The following SF3A3 variants were observed in gnomAD, a reference collection of about 807,000 sequenced individuals.
SF3A3 encodes SAP 61.
A neutral mutation model predicts 85.8 loss-of-function variants in SF3A3; 9 were observed. The ratio of observed to expected loss-of-function variants is 0.10; its 90% CI spans 0.06 to 0.18. The LOEUF (loss-of-function observed/expected upper bound fraction) is 0.18, where lower values mean the gene tolerates loss of function less well. Ranked by LOEUF, SF3A3 falls within the 10% of genes least tolerant of loss-of-function variation. The probability of loss-of-function intolerance (pLI) is 1.00; values close to 1 mark genes in which losing one functional copy is unlikely to be tolerated. For missense variants in SF3A3, 306 were observed against 593.3 expected (o/e 0.52, Z 5.03); for synonymous variants, 195 against 204.4 (o/e 0.95, Z 0.39).
chr1:37,960,775 C>G (rs373610120), intron 15 of SF3A3: 1 of 152,010 alleles, frequency 6.6e-6, no homozygotes, highest in East Asian at 2.0e-4. Flanking sequence ...CTCAGCCTCC[C>G]GAGTAGCTGG....
At chr1:37,959,775 T>G (rs575538883) in intron 16 of SF3A3, among the ~76,000 whole-genome samples, 101 of 151,842 alleles carry the variant, frequency 6.7e-4, no homozygotes, top group Non-Finnish European at 8.8e-4. Context: ...CTGGCCAACA[T>G]GGTGAAACCC....
At chr1:37,974,238 T>TA (rs951366149) in intron 12 of SF3A3, among the ~76,000 whole-genome samples, 24 of 147,082 alleles carry the variant, frequency 1.6e-4, no homozygotes, top group African/African-American at 3.2e-4. Flanking sequence ...AAAAAAAAAT[T>TA]AAAAAAAAAA....
At chr1:37,965,208 A>C (rs2148716026) in intron 15 of SF3A3, among the ~76,000 whole-genome samples, 1 of 151,430 alleles carries the variant, frequency 6.6e-6, no homozygotes, top group South Asian at 2.1e-4. Context: ...CCTCATGCCT[A>C]TAATCCCAGC....
chr1:37,984,610 C>G, intron 5 of SF3A3, 97 bp downstream of exon 5: 2 of 872,090 alleles, frequency 2.3e-6, no homozygotes, highest in Non-Finnish European at 3.8e-6. Flanking sequence ...AGCAAGAAAT[C>G]CTGGCTATAA....
intron 15 of SF3A3, among the ~76,000 whole-genome samples, chr1:37,966,664 C>T (rs1430765237): frequency 6.6e-6 from 1 of 152,086 alleles, no homozygotes; most frequent in East Asian, 1.9e-4. Flanking sequence ...TAGCTGGGCA[C>T]GGTGGATCAC....
rs1485884903 is a variant in SF3A3 at position 37,989,346 on chromosome 1, A to G, written c.144+202T>C. On this transcript the variant is annotated intron_variant, in intron 2 of 16. Transcript: ENST00000373019. ...AGGGCACCTTTCTGATTAATGAAGA[A>G]TGCCCAAGAGTTCCCCATTCAGAGA... Among the ~76,000 whole-genome samples the G allele has an allele frequency of 5.3e-5, 8 of 152,124 alleles. No individual in the cohort carries two copies. The South Asian group carries it at 1.7e-3, about 32-fold the overall frequency.
At chr1:37,976,280 A>G (rs1646379388) in intron 12 of SF3A3, among the ~76,000 whole-genome samples, 1 of 152,030 alleles carries the variant, frequency 6.6e-6, no homozygotes, top group African/African-American at 2.4e-5. Flanking sequence ...TTCTTCCTGG[A>G]AAGAGATTTC....
chr1:37,980,454 G>T, intron 8 of SF3A3, 132 bp downstream of exon 8: 2 of 939,696 alleles, frequency 2.1e-6, no homozygotes, highest in Non-Finnish European at 3.1e-6. Context: ...ATACTTGGCA[G>T]GGAATACCTC....
chr1:37,981,737 C>T lies in SF3A3; in HGVS notation c.543G>A (p.Glu181=), dbSNP rs139399497. 80 of 1,556,830 alleles carry T rather than the reference C, an allele frequency of 5.1e-5. No homozygotes were observed. In the African/African-American group the frequency reaches 8.8e-4, roughly 17 times the overall value. The change falls in exon 7 of 17, where the codon GAG becomes GAA. Residue 181 remains glutamate (E), a synonymous_variant. Coordinates refer to ENST00000373019, the MANE Select transcript of SF3A3 (RefSeq NM_006802.4). ...AAACTATTAATGCCTACCTCTTATA[C>T]TCTGCATTCTTCCTTTCTTTAGGAA... is the stretch of plus-strand genomic sequence containing the variant. ...FDIPKERKNA[E]YKRYLEMLLE... is the part of the protein sequence containing the mutation.
In SF3A3 at chr1:37,984,860, T is replaced by G. The variant is rs1646444355; in HGVS notation, c.304-81A>C. ...TCTCACTCTGTGGCCCAGGCTGGAG[T>G]GCACTGGCACAATCTTGGCTCACTG... is the stretch of plus-strand genomic sequence containing the variant. On this transcript the variant is annotated intron_variant, in intron 4 of 16. Transcript: ENST00000373019. 2.6e-6 allele frequency: 3 copies of G among 1,164,780 alleles called. No individual in the cohort carries two copies. The Admixed American group carries it at 5.2e-5, about 20-fold the overall frequency. 72.2% of individuals were successfully genotyped at this position (1,164,780 alleles called of 1,614,324 possible).
intron 10 of SF3A3, 32 bp downstream of exon 10, chr1:37,978,956 T>A: frequency 6.3e-7 from 1 of 1,593,352 alleles, no homozygotes; most frequent in Non-Finnish European, 8.6e-7. Context: ...ACACAGTAAA[T>A]CGATAGTTTT....
In SF3A3 at chr1:37,989,017, C is replaced by T. The variant is rs536624724; in HGVS notation, c.144+531G>A. Among the ~76,000 whole-genome samples, 45 of 152,056 alleles carry T rather than the reference C, an allele frequency of 3.0e-4. No homozygotes were observed. The South Asian group carries it at 7.7e-3, about 26-fold the overall frequency. ...TAAGAATGGGCACGTGTAAGCCGGC[C>T]GCGGTGGCTCAAGCCTGTAATCTCA... On this transcript the variant is annotated intron_variant, in intron 2 of 16. Coordinates refer to ENST00000373019, the MANE Select transcript of SF3A3 (RefSeq NM_006802.4).
chr1:37,972,043 A>G (rs979547921), intron 12 of SF3A3, among the ~76,000 whole-genome samples: 1 of 152,218 alleles, frequency 6.6e-6, no homozygotes, highest in Non-Finnish European at 1.5e-5. Flanking sequence ...AGGGTATTCA[A>G]TTAGGAAAAA....
chr1:37,979,588 G>T, intron 8 of SF3A3, 55 bp from the exon 9 acceptor site: 1 of 1,346,898 alleles, frequency 7.4e-7, no homozygotes, highest in Non-Finnish European at 1.1e-6. Context: ...AGGTGTGGTG[G>T]CTCACACCTG....
intron 2 of SF3A3, among the ~76,000 whole-genome samples, chr1:37,988,861 G>C (rs1646473154): frequency 6.8e-6 from 1 of 147,936 alleles, no homozygotes; most frequent in South Asian, 2.1e-4. Flanking sequence ...GGTGTGTTGT[G>C]TGTGTGTGTG....
chr1:37,981,305 A>C (rs531592420), intron 7 of SF3A3, among the ~76,000 whole-genome samples: 1 of 152,334 alleles, frequency 6.6e-6, no homozygotes, highest in East Asian at 1.9e-4. Context: ...AGAAAATGAG[A>C]AAAAGAGGGG....
At chr1:37,973,494 A>T (rs181501284) in intron 12 of SF3A3, among the ~76,000 whole-genome samples, 22 of 152,272 alleles carry the variant, frequency 1.4e-4, no homozygotes, top group Non-Finnish European at 2.2e-4. Context: ...ACTACAAAGA[A>T]TCTACAAAGA....
intron 12 of SF3A3, among the ~76,000 whole-genome samples, chr1:37,971,866 AAG>A (rs1303312841): frequency 6.6e-6 from 1 of 152,232 alleles, no homozygotes; most frequent in Admixed American, 6.5e-5. Flanking sequence ...TCAAAATAAT[AAG>A]AGCCATTTAT....
chr1:37,982,776 G>A (rs149735656), intron 6 of SF3A3, among the ~76,000 whole-genome samples: 6 of 152,220 alleles, frequency 3.9e-5, no homozygotes, highest in African/African-American at 7.2e-5. Flanking sequence ...TATTGTTTGT[G>A]TCTAAAACAG....
Sources: gnomAD v4.1 joint callset for allele counts (sites outside exome capture counted in the v4.1 genomes callset) on GRCh38, gnomAD v4.1.1 for gene constraint, MANE v1.5 for transcripts, NCBI Gene and HGNC (gene_info 2026-07-23, HGNC 2026-07-21) for gene names.